Variants in SMG6 observed in about 807,000 individuals in gnomAD.
SMG6 encodes the protein SMG6 nonsense mediated mRNA decay factor.
In SMG6, 66 loss-of-function variants were observed where a neutral mutation model predicts 142.2. That is an observed-to-expected ratio of 0.46 (90% CI 0.38 to 0.57). SMG6 has a LOEUF of 0.57. SMG6 is among the 20% of genes least tolerant of loss of function. The pLI, the probability that SMG6 is intolerant of heterozygous loss-of-function variation, is 0.00. For synonymous variants in SMG6, 779 were observed against 702.4 expected (o/e 1.11, Z -1.72); for missense variants, 1,793 against 1,832.0 (o/e 0.98, Z 0.39).
intron 8 of SMG6, among the ~76,000 whole-genome samples, chr17:2,248,812 AT>A (rs1326299660): frequency 2.0e-5 from 3 of 152,200 alleles, no homozygotes; most frequent in Non-Finnish European, 4.4e-5. Flanking sequence ...TTTGTTACAT[AT>A]TGATCAAATC....
intron 10 of SMG6, among the ~76,000 whole-genome samples, chr17:2,225,339 G>GAAAAAAAAA (rs1299267889): frequency 7.4e-6 from 1 of 134,316 alleles, no homozygotes; most frequent in Non-Finnish European, 1.6e-5. Flanking sequence ...AAGAAAAAAA[G>GAAAAAAAAA]AAAAAAAAAA....
At chr17:2,256,942 CCAGA>C (rs2074195203) in intron 8 of SMG6, among the ~76,000 whole-genome samples, 1 of 145,566 alleles carries the variant, frequency 6.9e-6, no homozygotes, top group African/African-American at 2.5e-5. Context: ...GTGGCAAAAC[CCAGA>C]CAAAGGTATG....
intron 4 of SMG6, among the ~76,000 whole-genome samples, chr17:2,296,099 T>C (rs927572): frequency 0.057 from 8,670 of 152,226 alleles, 800 homozygotes; most frequent in African/African-American, 0.2. Flanking sequence ...AAATCTACCT[T>C]ATCCATTTAC....
At chr17:2,171,326 T>C (rs1012635071) in intron 13 of SMG6, among the ~76,000 whole-genome samples, 11 of 148,488 alleles carry the variant, frequency 7.4e-5, no homozygotes, top group African/African-American at 2.5e-4. Context: ...TAAATATTAA[T>C]ATAACCTCCA....
rs1293077697 is a variant in SMG6, at chr17:2,297,248, T to G, written c.2146A>C (p.Lys716Gln). ...ACATAAAGAAGGTAGCTTACTGTCT[T>G]GCGTAATGGCTTGCTGCGAATGGCA... ...GLAIRSKPLR[K>Q]TVKYALISAQ... Residue 716 changes from lysine (K) to glutamine (Q), a missense_variant, in exon 4 of 19, where the codon AAG becomes CAG. By Grantham distance (53) the Lys-to-Gln change is moderately conservative. Coordinates refer to ENST00000263073, the MANE Select transcript of SMG6 (RefSeq NM_017575.5). 1.3e-6 allele frequency: 2 copies of G among 1,599,068 alleles called. No individual in the cohort carries two copies.
In SMG6 at chr17:2,172,738, C is replaced by T; in HGVS notation, c.3277G>A (p.Glu1093Lys). The T allele has an allele frequency of 6.2e-7, 1 of 1,614,150 alleles. No homozygotes were observed. Among genetic ancestry groups the T allele is most frequent in the Non-Finnish European group, 8.5e-7 (1 of 1,180,030 alleles). ...DDDLTLLILE[E>K]DRLLSGFVPL... is the part of the protein sequence containing the mutation. ...ACAAAGCCCGAGAGAAGCCGATCCT[C>T]TTCCAGGATAAGAAGGGTGAGGTCA... The change falls in exon 13 of 19, where the codon GAG becomes AAG. Residue 1093 changes from glutamate to lysine, a missense_variant. Transcript: ENST00000263073.
rs527533546 is a variant in SMG6 at position 2,236,570 on chromosome 17, G to A, written c.2791C>T (p.Pro931Ser). 2 of 1,613,546 alleles carry A rather than the reference G, an allele frequency of 1.2e-6. No individual in the cohort carries two copies. The highest frequency in any genetic ancestry group is 1.7e-6 in the Non-Finnish European group (2 of 1,179,884). The change falls in exon 10 of 19, where the codon CCC (proline) becomes TCC (serine). Residue 931 changes from proline (P) to serine (S), a missense_variant. By Grantham distance (74) the Pro-to-Ser change is moderately conservative. This residue lies in a region of SMG6 where 1,597 missense variants were observed against 1,584.6 expected (regional missense o/e 1.01). Transcript: ENST00000263073. ...ATGCGGGTACTTCCAATGGGAGAGG[G>A]GCTGTGCTGCAGTAACACCTGGAAC... ...KEFQVLLQHS[P>S]SPIGSTRMLQ...
chr17:2,231,542 C>T (rs1250994209), intron 10 of SMG6, among the ~76,000 whole-genome samples: 2 of 152,054 alleles, frequency 1.3e-5, no homozygotes, highest in Admixed American at 1.3e-4. Flanking sequence ...ACTAAAAATA[C>T]AAAACTTAGC....
In SMG6 at chr17:2,061,125, T is replaced by C. The variant is rs571678936; in HGVS notation, c.*367A>G. 157 of 209,834 alleles carry C rather than the reference T, an allele frequency of 7.5e-4. No homozygotes were observed. The highest frequency in any genetic ancestry group is 1.2e-3 in the Non-Finnish European group (124 of 100,844). 13.0% of individuals were successfully genotyped at this position (209,834 alleles called of 1,614,324 possible). A position where few individuals can be genotyped will look rare whatever the true frequency, so the allele number is the denominator to read the frequency against. On this transcript the variant is annotated 3_prime_UTR_variant, in exon 19 of 19. Coordinates refer to ENST00000263073, the MANE Select transcript of SMG6 (RefSeq NM_017575.5). ...CTCAGAACCCCTGCCCTGTCTCCAC[T>C]GGAGAAAGTGGCTGCGTCCCCAGGC...
At chr17:2,250,392 C>CTTT (rs370155077) in intron 8 of SMG6, among the ~76,000 whole-genome samples, 1 of 146,642 alleles carries the variant, frequency 6.8e-6, no homozygotes. Context: ...TTTATATACA[C>CTTT]TTTTTTTTTT....
intron 8 of SMG6, among the ~76,000 whole-genome samples, chr17:2,257,681 G>C (rs1303914338): frequency 6.6e-6 from 1 of 151,906 alleles, no homozygotes; most frequent in African/African-American, 2.4e-5. Context: ...TCGGGCCTTT[G>C]TATTTATCTT....
At chr17:2,141,169 C>T (rs2070468101) in intron 13 of SMG6, among the ~76,000 whole-genome samples, 1 of 152,186 alleles carries the variant, frequency 6.6e-6, no homozygotes. Flanking sequence ...CCAGTGGCTA[C>T]CATAGAGGAT....
Position 2,300,301 on chromosome 17 carries a change from C to T in SMG6, c.452G>A (p.Arg151His), listed in dbSNP as rs374770804. 11 of 1,614,002 alleles carry T rather than the reference C, an allele frequency of 6.8e-6. No individual in the cohort carries two copies. In the Admixed American group the frequency reaches 8.3e-5, roughly 12 times the overall value. The change falls in exon 2 of 19, where the codon CGT becomes CAT. Residue 151 changes from arginine to histidine, a missense_variant. Transcript: ENST00000263073. ...GGATTCTTTGCTAACAGTCTGCAAA[C>T]GTCGTCCAGGCTGATAGATCTGCAG... ...PDLQIYQPGRRLQTVSKESAS... is the reference protein window; with the variant it reads ...PDLQIYQPGRHLQTVSKESAS...
intron 15 of SMG6, among the ~76,000 whole-genome samples, chr17:2,069,501 T>C (rs1597328644): frequency 6.7e-6 from 1 of 149,954 alleles, no homozygotes; most frequent in Non-Finnish European, 1.5e-5. Flanking sequence ...GAGGCTGACA[T>C]GGGAGGATTG....
At chr17:2,180,067 G>C (rs1218621148) in intron 12 of SMG6, among the ~76,000 whole-genome samples, 1 of 152,202 alleles carries the variant, frequency 6.6e-6, no homozygotes, top group African/African-American at 2.4e-5. Context: ...CCCTAGCCTT[G>C]CCAAAGGTCC....
intron 8 of SMG6, among the ~76,000 whole-genome samples, chr17:2,257,360 G>T (rs1168480020): frequency 6.6e-6 from 1 of 152,066 alleles, no homozygotes; most frequent in Non-Finnish European, 1.5e-5. Context: ...TTACAGGCGT[G>T]AGCCACTGCG....
At chr17:2,225,133 G>T (rs944249895) in intron 10 of SMG6, among the ~76,000 whole-genome samples, 1 of 152,050 alleles carries the variant, frequency 6.6e-6, no homozygotes, top group Non-Finnish European at 1.5e-5. Context: ...GAAAGAAAAT[G>T]ATCCCAGATA....
At chr17:2,286,923 A>AT (rs59503723) in intron 6 of SMG6, among the ~76,000 whole-genome samples, 6,130 of 111,410 alleles carry the variant, frequency 0.055, 577 homozygotes, top group Non-Finnish European at 0.082. Flanking sequence ...ACATAAAATA[A>AT]TTTTTTTTTT....
chr17:2,100,543 A>G (rs77626703), intron 13 of SMG6, among the ~76,000 whole-genome samples: 2 of 152,326 alleles, frequency 1.3e-5, no homozygotes, highest in Non-Finnish European at 2.9e-5. Flanking sequence ...ATGAATTAGT[A>G]TTTCTTGAGA....
Sources: allele counts gnomAD v4.1 joint callset (sites outside exome capture counted in the v4.1 genomes callset), GRCh38; gene constraint gnomAD v4.1.1; regional missense constraint gnomAD v4.1.1; transcripts MANE v1.5; gene names NCBI Gene and HGNC (gene_info 2026-07-23, HGNC 2026-07-21).